The following NCOA1 variants were observed in gnomAD, a reference collection of about 807,000 sequenced individuals.
NCOA1 encodes nuclear receptor coactivator 1.
Under a neutral mutation model 150.9 loss-of-function variants are expected in NCOA1, and 35 were observed. The ratio of observed to expected loss-of-function variants is 0.23; its 90% CI spans 0.18 to 0.31. NCOA1 has a LOEUF of 0.31. Among genes scored for constraint, NCOA1 ranks in the 10% least tolerant of loss-of-function variants. The probability of loss-of-function intolerance (pLI) is 1.00; values close to 1 mark genes in which losing one functional copy is unlikely to be tolerated. For missense variants in NCOA1, 1,491 were observed against 1,749.3 expected (o/e 0.85, Z 2.63); for synonymous variants, 590 against 630.0 (o/e 0.94, Z 0.95).
intron 14 of NCOA1, among the ~76,000 whole-genome samples, chr2:24,713,953 A>G (rs1572630686): frequency 6.6e-6 from 1 of 152,222 alleles, no homozygotes; most frequent in East Asian, 1.9e-4. Context: ...TACACTGTGC[A>G]TGTATTCAAC....
At chr2:24,665,936 C>T (rs770723038) in intron 6 of NCOA1, 21 bp downstream of exon 6, 4 of 1,390,900 alleles carry the variant, frequency 2.9e-6, no homozygotes, top group Non-Finnish European at 3.8e-6. Flanking sequence ...AAAAGAAAAC[C>T]CATGGCTGTG....
chr2:24,711,161 A>T (rs755349811), intron 14 of NCOA1, 50 bp downstream of exon 14: 1 of 1,536,636 alleles, frequency 6.5e-7, no homozygotes, highest in Admixed American at 2.0e-5. Flanking sequence ...GATAATGTGG[A>T]TTAGCATTTT....
At chr2:24,705,710 T>C (rs2289393) in intron 12 of NCOA1, among the ~76,000 whole-genome samples, 35,146 of 152,140 alleles carry the variant, frequency 0.23, 4,235 homozygotes, top group Non-Finnish European at 0.26. Flanking sequence ...CCTAAGTATG[T>C]TTTACACTGA....
rs565612971 is a variant in NCOA1 at position 24,610,132 on chromosome 2, T to A, written c.-175+25572T>A. On this transcript the variant is annotated intron_variant, in intron 3 of 22. Coordinates refer to ENST00000348332, the MANE Select transcript of NCOA1 (RefSeq NM_003743.5). ...TGACTATAGGCTGCATTCTTTTTTT[T>A]TTTTTTTTTTTTTTGAGACAGAGTC... is the stretch of plus-strand genomic sequence containing the variant. Among the ~76,000 whole-genome samples, 50 of 140,040 alleles carry A rather than the reference T, an allele frequency of 3.6e-4. No individual in the cohort carries two copies. In the South Asian group the frequency reaches 0.012, roughly 34 times the overall value. 91.9% of individuals were successfully genotyped at this position (140,040 alleles called of 152,430 possible). A position where few individuals can be genotyped will look rare whatever the true frequency, so the allele number is the denominator to read the frequency against.
At chr2:24,600,805 A>G (rs538507494) in intron 3 of NCOA1, among the ~76,000 whole-genome samples, 1 of 152,284 alleles carries the variant, frequency 6.6e-6, no homozygotes, top group South Asian at 2.1e-4. Context: ...TATTACTCTC[A>G]TAGTAAATAT....
intron 1 of NCOA1, among the ~76,000 whole-genome samples, chr2:24,515,311 C>T (rs916876364): frequency 6.6e-6 from 1 of 152,180 alleles, no homozygotes; most frequent in Non-Finnish European, 1.5e-5. Context: ...TGGCTCACTG[C>T]AACCTCCGCC....
At chr2:24,734,511 C>T (rs564713316) in intron 17 of NCOA1, among the ~76,000 whole-genome samples, 4 of 152,136 alleles carry the variant, frequency 2.6e-5, no homozygotes, top group Admixed American at 2.6e-4. Context: ...AAAATTAAAC[C>T]AGGCTGGATG....
chr2:24,752,102 G>A lies in NCOA1; in HGVS notation c.3827G>A (p.Gly1276Glu). Residue 1276 changes from glycine (G) to glutamate (E), a missense_variant, in exon 20 of 23, where the codon GGG (glycine) becomes GAG (glutamate). Gly to Glu is a moderately conservative substitution (Grantham distance 98). Coordinates refer to ENST00000348332, the MANE Select transcript of NCOA1 (RefSeq NM_003743.5). The stretch of plus-strand genomic sequence containing the variant: ...CTCCAGCAAACTCCACCTGCCTCCG[G>A]GTATCAGTCACCAGACATGAAGGCC... ...SLLQQTPPAS[G>E]YQSPDMKAWQ... is the part of the protein sequence containing the mutation. 2 of 1,613,990 alleles carry A rather than the reference G, an allele frequency of 1.2e-6. 1 individual carries two copies. Among genetic ancestry groups the A allele is most frequent in the Middle Eastern group, 3.3e-4 (2 of 6,060 alleles).
At chr2:24,533,040 G>A (rs1322846013) in intron 1 of NCOA1, among the ~76,000 whole-genome samples, 1 of 152,194 alleles carries the variant, frequency 6.6e-6, no homozygotes, top group Admixed American at 6.5e-5. Flanking sequence ...AATTACCTTA[G>A]GCAGTATGGC....
rs1665175059 is a variant in NCOA1 at position 24,768,437 on chromosome 2, T to G, written c.*46T>G. 2.4e-6 allele frequency: 3 copies of G among 1,270,650 alleles called. No homozygotes were observed. The Admixed American group carries it at 8.0e-5, about 34-fold the overall frequency. 78.7% of individuals were successfully genotyped at this position (1,270,650 alleles called of 1,614,324 possible). On this transcript the variant is annotated 3_prime_UTR_variant, in exon 23 of 23. Coordinates refer to ENST00000348332, the MANE Select transcript of NCOA1 (RefSeq NM_003743.5). The stretch of plus-strand genomic sequence containing the variant: ...AATTTAAATAATAGACATACAGAGA[T>G]ATACAAATATATTATATATTTTTCT...
intron 3 of NCOA1, among the ~76,000 whole-genome samples, chr2:24,624,364 T>C (rs1422101209): frequency 6.6e-6 from 1 of 152,232 alleles, no homozygotes; most frequent in Non-Finnish European, 1.5e-5. Context: ...AGTAAATTTT[T>C]CTATTTTCTG....
At chr2:24,524,500 G>A (rs926387933) in intron 1 of NCOA1, among the ~76,000 whole-genome samples, 6 of 151,924 alleles carry the variant, frequency 3.9e-5, no homozygotes, top group African/African-American at 1.5e-4. Flanking sequence ...CCACTCTGTT[G>A]CCCACACTGG....
chr2:24,605,160 A>T (rs1668309035), intron 3 of NCOA1, among the ~76,000 whole-genome samples: 1 of 152,202 alleles, frequency 6.6e-6, no homozygotes, highest in Non-Finnish European at 1.5e-5. Flanking sequence ...CATAAGAGAG[A>T]TAATAATAAT....
At chr2:24,644,525 G>A (rs1670373353) in intron 4 of NCOA1, among the ~76,000 whole-genome samples, 1 of 151,802 alleles carries the variant, frequency 6.6e-6, no homozygotes, top group Non-Finnish European at 1.5e-5. Flanking sequence ...GGTAATTGTA[G>A]GTATACCCAT....
chr2:24,632,501 T>G (rs1270742235), intron 3 of NCOA1, among the ~76,000 whole-genome samples: 2 of 152,184 alleles, frequency 1.3e-5, no homozygotes, highest in Non-Finnish European at 2.9e-5. Flanking sequence ...ACAGAGGGTC[T>G]CTTGGCTAGT....
intron 1 of NCOA1, among the ~76,000 whole-genome samples, chr2:24,501,266 T>C (rs1264373002): frequency 1.3e-5 from 2 of 152,206 alleles, no homozygotes; most frequent in African/African-American, 4.8e-5. Context: ...TTTTTTCAGC[T>C]ATGATAACCA....
intron 10 of NCOA1, among the ~76,000 whole-genome samples, chr2:24,693,768 C>T (rs1179937494): frequency 2.0e-5 from 3 of 151,276 alleles, no homozygotes; most frequent in Non-Finnish European, 4.4e-5. Flanking sequence ...ATTTATTTAG[C>T]ACATACCGAT....
intron 3 of NCOA1, among the ~76,000 whole-genome samples, chr2:24,605,778 T>C (rs1334846402): frequency 6.6e-6 from 1 of 152,192 alleles, no homozygotes; most frequent in East Asian, 1.9e-4. Context: ...TTCTAGTCAG[T>C]AGAATGTGAG....
chr2:24,670,994 T>C (rs1318618950), intron 6 of NCOA1, among the ~76,000 whole-genome samples: 2 of 152,220 alleles, frequency 1.3e-5, no homozygotes, highest in Non-Finnish European at 2.9e-5. Flanking sequence ...CAATACCTAG[T>C]GATATAAGTT....
Sources: allele counts gnomAD v4.1 joint callset (sites outside exome capture counted in the v4.1 genomes callset), GRCh38; gene constraint gnomAD v4.1.1; transcripts MANE v1.5; gene names NCBI Gene and HGNC (gene_info 2026-07-23, HGNC 2026-07-21).